CFAP61: variants seen among roughly 807,000 people sequenced by gnomAD.
CFAP61 encodes the protein cilia- and flagella-associated protein 61.
CFAP61 carries 107 observed loss-of-function variants against 135.6 expected under a neutral mutation model. That is an observed-to-expected ratio of 0.79 (90% CI 0.67 to 0.93). CFAP61 has a LOEUF of 0.93. Ranked by LOEUF, CFAP61 falls within the 40% of genes least tolerant of loss-of-function variation. The pLI is 0.00. For synonymous variants in CFAP61, 575 were observed against 578.5 expected, an observed-to-expected ratio of 0.99 and a Z score of 0.09; for missense variants, 1,507 against 1,556.2, an observed-to-expected ratio of 0.97 and a Z score of 0.53.
chr20:20,117,932 A>G (rs1247104579), intron 8 of CFAP61, among the ~76,000 whole-genome samples: 1 of 152,062 alleles, frequency 6.6e-6, no homozygotes, highest in Non-Finnish European at 1.5e-5. Context: ...TTTGTATTTT[A>G]GTTTTGTATC....
intron 17 of CFAP61, among the ~76,000 whole-genome samples, chr20:20,214,089 C>G (rs182995559): frequency 2.6e-5 from 4 of 152,242 alleles, no homozygotes; most frequent in Non-Finnish European, 5.9e-5. Context: ...GCAGCTAGAA[C>G]CCTAGGAAAT....
At chr20:20,144,241 G>A (rs2051670200) in intron 9 of CFAP61, among the ~76,000 whole-genome samples, 1 of 152,198 alleles carries the variant, frequency 6.6e-6, no homozygotes, top group African/African-American at 2.4e-5. Flanking sequence ...AATATATTAT[G>A]CATAAGGTGG....
At position 20,166,266 on chromosome 20, in the gene CFAP61, C is replaced by A. The variant is rs1019252347; in HGVS notation, c.1206-131C>A. On this transcript the variant is annotated intron_variant, in intron 11 of 26. Transcript: ENST00000245957. Reference sequence around the variant, plus strand: ...GACTTATGCACCCCATTAGTGTTCACCTAGACACACATTCTGACTAGTGGT... The same window carrying A: ...GACTTATGCACCCCATTAGTGTTCAACTAGACACACATTCTGACTAGTGGT... 3.9e-5 allele frequency: 27 copies of A among 697,216 alleles called. No homozygotes were observed. The African/African-American group carries it at 4.2e-4, about 11-fold the overall frequency. 43.2% of individuals were successfully genotyped at this position (697,216 alleles called of 1,614,324 possible).
At chr20:20,273,896 T>G (rs573609262) in intron 21 of CFAP61, among the ~76,000 whole-genome samples, 1 of 152,338 alleles carries the variant, frequency 6.6e-6, no homozygotes, top group African/African-American at 2.4e-5. Flanking sequence ...GGCCTTGACA[T>G]GGGCTCTTCA....
chr20:20,189,602 G>T (rs191212571), intron 14 of CFAP61, among the ~76,000 whole-genome samples: 176 of 152,212 alleles, frequency 1.2e-3, no homozygotes, highest in Non-Finnish European at 2.0e-3. Context: ...CCCAGTAACT[G>T]CAGAAAGAGC....
intron 25 of CFAP61, among the ~76,000 whole-genome samples, chr20:20,341,122 G>A (rs753663370): frequency 3.3e-5 from 5 of 152,114 alleles, no homozygotes; most frequent in South Asian, 2.1e-4. Context: ...AAGCCCACCC[G>A]AGCGACGTGG....
chr20:20,236,705 C>G (rs1215159085), intron 18 of CFAP61, among the ~76,000 whole-genome samples: 1 of 152,210 alleles, frequency 6.6e-6, no homozygotes, highest in Non-Finnish European at 1.5e-5. Flanking sequence ...TAATAGCCAG[C>G]ATTTGCCCAA....
chr20:20,201,040 C>T, intron 17 of CFAP61: 1 of 800,510 alleles, frequency 1.2e-6, no homozygotes, highest in Non-Finnish European at 1.5e-6. Flanking sequence ...TAAAGCAGGA[C>T]TTCTCAATCT....
chr20:20,299,857 C>T (rs1383534764), intron 25 of CFAP61, among the ~76,000 whole-genome samples: 15 of 152,172 alleles, frequency 9.9e-5, no homozygotes, highest in South Asian at 4.1e-4. Flanking sequence ...ACACTGTGGA[C>T]GTACTTCATG....
chr20:20,353,142 T>C (rs1018201510), intron 26 of CFAP61, among the ~76,000 whole-genome samples: 1 of 152,154 alleles, frequency 6.6e-6, no homozygotes, highest in African/African-American at 2.4e-5. Context: ...CGTTGTAACA[T>C]TGATGAGGAA....
intron 25 of CFAP61, among the ~76,000 whole-genome samples, chr20:20,313,671 A>G (rs1418667919): frequency 6.6e-6 from 1 of 152,174 alleles, no homozygotes; most frequent in Non-Finnish European, 1.5e-5. Context: ...CATGAGTGAA[A>G]ATGAGAGAGC....
chr20:20,078,081 G>C (rs2046183422), intron 6 of CFAP61, among the ~76,000 whole-genome samples: 1 of 152,220 alleles, frequency 6.6e-6, no homozygotes, highest in African/African-American at 2.4e-5. Context: ...TTCAGGGCCT[G>C]CCCTGCTGTC....
chr20:20,073,715 A>G (rs1419456086), intron 3 of CFAP61, among the ~76,000 whole-genome samples: 6 of 152,190 alleles, frequency 3.9e-5, no homozygotes, highest in South Asian at 4.1e-4. Context: ...ATTTAACTGG[A>G]AAGTCTTGCT....
chr20:20,176,160 C>G (rs958834155), intron 13 of CFAP61, among the ~76,000 whole-genome samples: 3 of 151,986 alleles, frequency 2.0e-5, no homozygotes, highest in Admixed American at 6.6e-5. Flanking sequence ...GAAATAGCAT[C>G]TCATGCCAAT....
At chr20:20,261,853 T>A (rs559611328) in intron 20 of CFAP61, among the ~76,000 whole-genome samples, 1 of 151,862 alleles carries the variant, frequency 6.6e-6, no homozygotes, top group South Asian at 2.1e-4. Context: ...AGAAGACGAG[T>A]ATCAGCTATC....
chr20:20,169,856 A>G (rs1391548557), intron 13 of CFAP61, among the ~76,000 whole-genome samples: 2 of 152,256 alleles, frequency 1.3e-5, no homozygotes, highest in Non-Finnish European at 2.9e-5. Context: ...ATTCTTCTGT[A>G]AATCATGAGA....
intron 19 of CFAP61, among the ~76,000 whole-genome samples, chr20:20,249,864 G>A (rs2050749583): frequency 6.6e-6 from 1 of 152,174 alleles, no homozygotes; most frequent in Non-Finnish European, 1.5e-5. Flanking sequence ...GCTTAGAGTA[G>A]GGATCTGGAG....
In CFAP61 at chr20:20,221,519, C is replaced by T. The variant is rs12106218; in HGVS notation, c.1933-6730C>T. ...TGCAGCCAATTAAATTGTAACACAA[C>T]GTCTAAATGAGAGTCCTGAACAGCA... On this transcript the variant is annotated intron_variant, in intron 17 of 26. Transcript: ENST00000245957. Among the ~76,000 whole-genome samples the T allele has an allele frequency of 9.0e-3, 1,371 of 152,218 alleles. 22 individuals are homozygous for T. The highest frequency in any genetic ancestry group is 0.031 in the African/African-American group (1,302 of 41,516).
At chr20:20,101,563 T>C (rs931491457) in intron 8 of CFAP61, among the ~76,000 whole-genome samples, 7 of 152,062 alleles carry the variant, frequency 4.6e-5, no homozygotes, top group South Asian at 4.2e-4. Flanking sequence ...AAAACTCCAA[T>C]GACGGGTCTG....
Sources: gnomAD v4.1 joint callset for allele counts (sites outside exome capture counted in the v4.1 genomes callset) on GRCh38, gnomAD v4.1.1 for gene constraint, MANE v1.5 for transcripts, NCBI Gene and HGNC (gene_info 2026-07-23, HGNC 2026-07-21) for gene names.